The following GHITM variants were observed in gnomAD, a reference collection of about 807,000 sequenced individuals.
GHITM encodes the protein growth hormone inducible transmembrane protein.
In GHITM, 24 loss-of-function variants were observed where a neutral mutation model predicts 38.7. The observed-to-expected ratio is 0.62, with a 90% CI of 0.45 to 0.87. The LOEUF is 0.87. Among genes scored for constraint, GHITM ranks in the 40% least tolerant of loss-of-function variants. The probability of loss-of-function intolerance (pLI) is 0.00; values close to 1 mark genes in which losing one functional copy is unlikely to be tolerated. For missense variants in GHITM, 420 were observed against 429.8 expected, an observed-to-expected ratio of 0.98 and a Z score of 0.20; for synonymous variants, 154 against 147.8, an observed-to-expected ratio of 1.04 and a Z score of -0.30.
intron 3 of GHITM, among the ~76,000 whole-genome samples, chr10:84,142,955 T>G (rs1011688477): frequency 6.6e-6 from 1 of 152,172 alleles, no homozygotes; most frequent in Non-Finnish European, 1.5e-5. Context: ...CAGTGGAAAT[T>G]TTACTTTCCT....
At position 84,141,469 on chromosome 10, in the gene GHITM, G is replaced by C. The variant is rs199896193; in HGVS notation, c.-32G>C. On this transcript the variant is annotated 5_prime_UTR_variant, in exon 2 of 9. Coordinates refer to ENST00000372134, the MANE Select transcript of GHITM (RefSeq NM_014394.3). ...GCCTTTTTTTTAAACTAGCATTTCAGATCTGCTCGGTAGACCTGGTGCACC... is the reference window on the plus strand; with the variant it reads ...GCCTTTTTTTTAAACTAGCATTTCACATCTGCTCGGTAGACCTGGTGCACC... 6.6e-4 allele frequency: 1,062 copies of C among 1,608,758 alleles called. 2 individuals are homozygous for C. Among genetic ancestry groups the C allele is most frequent in the Non-Finnish European group, 8.5e-4 (1,000 of 1,176,532 alleles).
At chr10:84,151,220 G>A (rs181598867) in intron 8 of GHITM, among the ~76,000 whole-genome samples, 1 of 152,254 alleles carries the variant, frequency 6.6e-6, no homozygotes. Context: ...CTCTTCCTGT[G>A]TACCAGGGAT....
chr10:84,143,843 G>T (rs899325287), intron 3 of GHITM, 152 bp from the exon 4 acceptor site: 36 of 573,710 alleles, frequency 6.3e-5, no homozygotes, highest in African/African-American at 5.4e-4. Context: ...TTTTCTACTG[G>T]TTACCTAACA....
chr10:84,143,770 A>T (rs968936870), intron 3 of GHITM, among the ~76,000 whole-genome samples: 2 of 152,184 alleles, frequency 1.3e-5, no homozygotes, highest in African/African-American at 4.8e-5. Flanking sequence ...GAGGTTGAAG[A>T]TTCACCAAGC....
chr10:84,140,893 TTAGAA>T (rs1841499753), intron 1 of GHITM, among the ~76,000 whole-genome samples: 1 of 152,208 alleles, frequency 6.6e-6, no homozygotes, highest in African/African-American at 2.4e-5. Flanking sequence ...ATAGGTTAAC[TTAGAA>T]TATTTTTATA....
At chr10:84,151,293 CT>C (rs1355770581) in intron 8 of GHITM, among the ~76,000 whole-genome samples, 2 of 152,156 alleles carry the variant, frequency 1.3e-5, no homozygotes, top group African/African-American at 4.8e-5. Context: ...ACACCAATGG[CT>C]TTGTCAGATT....
chr10:84,142,419 A>C (rs1841515901), intron 2 of GHITM, among the ~76,000 whole-genome samples: 1 of 152,272 alleles, frequency 6.6e-6, no homozygotes, highest in Non-Finnish European at 1.5e-5. Flanking sequence ...ACTAAGAATA[A>C]TATAATGAAT....
At chr10:84,145,041 T>G in intron 5 of GHITM, 25 bp downstream of exon 5, 2 of 1,563,122 alleles carry the variant, frequency 1.3e-6, no homozygotes, top group Non-Finnish European at 1.7e-6. Context: ...TTTGTTTTCC[T>G]TTTTCATCTA....
At chr10:84,142,160 T>C (rs1210773827) in intron 2 of GHITM, among the ~76,000 whole-genome samples, 1 of 152,230 alleles carries the variant, frequency 6.6e-6, no homozygotes, top group Non-Finnish European at 1.5e-5. Context: ...TTAAATTAAC[T>C]GTTCCACTGT....
At chr10:84,151,661 A>C (rs1056154804) in intron 8 of GHITM, among the ~76,000 whole-genome samples, 8 of 152,170 alleles carry the variant, frequency 5.3e-5, no homozygotes, top group Admixed American at 4.6e-4. Flanking sequence ...GAGATATGCA[A>C]CTTTAGTTGG....
In GHITM at chr10:84,150,807, G is replaced by A; in HGVS notation, c.880G>A (p.Asp294Asn). 1 of 1,610,872 alleles carries A rather than the reference G, an allele frequency of 6.2e-7. No individual in the cohort carries two copies. Among genetic ancestry groups the A allele is most frequent in the Non-Finnish European group, 8.5e-7 (1 of 1,177,172 alleles). ...TCTTTTCAGCATGTTCCTTCTGTAT[G>A]ATACCCAGAAAGTAATCAAGCGTGC... Reference protein sequence around the residue: ...LVLFSMFLLYDTQKVIKRAEV... With the variant: ...LVLFSMFLLYNTQKVIKRAEV... The change falls in exon 8 of 9, where the codon GAT becomes AAT. Residue 294 changes from aspartate to asparagine, a missense_variant. Asp to Asn is a conservative substitution (Grantham distance 23, BLOSUM62 1). Coordinates refer to ENST00000372134, the MANE Select transcript of GHITM (RefSeq NM_014394.3).
At chr10:84,143,199 C>T (rs1232341504) in intron 3 of GHITM, among the ~76,000 whole-genome samples, 1 of 152,156 alleles carries the variant, frequency 6.6e-6, no homozygotes, top group Non-Finnish European at 1.5e-5. Flanking sequence ...AATATATTGC[C>T]AGTTTGGTTC....
chr10:84,152,407 T>A lies in GHITM; in HGVS notation c.*59T>A. On this transcript the variant is annotated 3_prime_UTR_variant, in exon 9 of 9. Coordinates refer to ENST00000372134, the MANE Select transcript of GHITM (RefSeq NM_014394.3). ...AATATCTTGTTTAATGGGGCAGATA[T>A]GCATTAAATAGTTTGTACAAGCAGC... is the stretch of plus-strand genomic sequence containing the variant. 1.1e-6 allele frequency: 1 copy of A among 884,788 alleles called. No homozygotes were observed. Among genetic ancestry groups the A allele is most frequent in the Non-Finnish European group, 1.9e-6 (1 of 539,612 alleles). 54.8% of individuals were successfully genotyped at this position (884,788 alleles called of 1,614,324 possible).
At position 84,153,331 on chromosome 10, in the gene GHITM, G is replaced by C. The variant is rs1158472553; in HGVS notation, c.*983G>C. ...AAGCAGTTTTTCTCCTAAGACTTTT[G>C]GTTTCTCGCATTGCCTCTCAGACTA... On this transcript the variant is annotated 3_prime_UTR_variant, in exon 9 of 9. Coordinates refer to ENST00000372134, the MANE Select transcript of GHITM (RefSeq NM_014394.3). The C allele has an allele frequency of 6.6e-6, 1 of 152,094 alleles. No homozygotes were observed. Among genetic ancestry groups the C allele is most frequent in the African/African-American group, 2.4e-5 (1 of 41,414 alleles). 9.4% of individuals were successfully genotyped at this position (152,094 alleles called of 1,614,324 possible).
rs761586657 is a variant in GHITM at position 84,150,138 on chromosome 10, G to C, written c.676G>C (p.Val226Leu). Residue 226 changes from valine (V) to leucine (L), a missense_variant, in exon 7 of 9, where the codon GTG becomes CTG. Val to Leu is a conservative substitution (Grantham distance 32, BLOSUM62 1). Coordinates refer to ENST00000372134, the MANE Select transcript of GHITM (RefSeq NM_014394.3). ...AGCTGCATGGTACACAGCTGGCATTGTGGGAGGCCTCTCCACTGTGGCCAT... is the reference window on the plus strand; with the variant it reads ...AGCTGCATGGTACACAGCTGGCATTCTGGGAGGCCTCTCCACTGTGGCCAT... ...IRAAWYTAGIVGGLSTVAMCA... is the reference protein window; with the variant it reads ...IRAAWYTAGILGGLSTVAMCA... 1.2e-6 allele frequency: 2 copies of C among 1,614,142 alleles called. No homozygotes were observed. The highest frequency in any genetic ancestry group is 1.7e-6 in the Non-Finnish European group (2 of 1,179,984).
Position 84,153,046 on chromosome 10 carries a change from A to T in GHITM, c.*698A>T, listed in dbSNP as rs1841626967. The T allele has an allele frequency of 2.0e-5, 3 of 152,202 alleles. No homozygotes were observed. In the South Asian group the frequency reaches 6.2e-4, roughly 31 times the overall value. The allele number at this position is 152,202 out of a possible 1,614,324, so 9.4% of individuals were successfully genotyped here. On this transcript the variant is annotated 3_prime_UTR_variant, in exon 9 of 9. Coordinates refer to ENST00000372134, the MANE Select transcript of GHITM (RefSeq NM_014394.3). The stretch of plus-strand genomic sequence containing the variant: ...ATGTTAATCATACAGAGAATCCTTG[A>T]TGGAATTATATATGTGTGTTTTACT...
chr10:84,141,251 C>T (rs894642513), intron 1 of GHITM, among the ~76,000 whole-genome samples: 1 of 152,216 alleles, frequency 6.6e-6, no homozygotes, highest in Non-Finnish European at 1.5e-5. Context: ...CCTCCATCTT[C>T]AGCTGTGTTC....
chr10:84,145,597 G>T (rs925494334), intron 5 of GHITM, among the ~76,000 whole-genome samples: 1 of 152,242 alleles, frequency 6.6e-6, no homozygotes, highest in African/African-American at 2.4e-5. Context: ...AAATGCCTAT[G>T]CAGTTAAGAG....
intron 5 of GHITM, among the ~76,000 whole-genome samples, chr10:84,147,875 T>C (rs1428375967): frequency 6.6e-6 from 1 of 152,206 alleles, no homozygotes; most frequent in Non-Finnish European, 1.5e-5. Flanking sequence ...TAGAATCTTA[T>C]TTCTCATTTT....
Sources: gnomAD v4.1 joint callset for allele counts (sites outside exome capture counted in the v4.1 genomes callset) on GRCh38, gnomAD v4.1.1 for gene constraint, MANE v1.5 for transcripts, NCBI Gene and HGNC (gene_info 2026-07-23, HGNC 2026-07-21) for gene names.